The following KCNK18 variants were observed in gnomAD, a reference collection of about 807,000 sequenced individuals.
The protein encoded by KCNK18 is potassium channel subfamily K member 18.
KCNK18 carries 8 observed loss-of-function variants against 11.8 expected under a neutral mutation model. The observed-to-expected ratio is 0.68, with a 90% CI of 0.40 to 1.22. The LOEUF is 1.22. KCNK18 is among the 50% of genes most tolerant of loss of function. The pLI is 0.01. For missense variants in KCNK18, 442 were observed against 465.4 expected (o/e 0.95, Z 0.46); for synonymous variants, 208 against 185.8 (o/e 1.12, Z -0.97).
Position 117,209,793 on chromosome 10 carries a change from T to C in KCNK18, c.649T>C (p.Cys217Arg), listed in dbSNP as rs1855122127. ...GCTTCCAGGCCCCAAACTTGGCACA[T>C]GTCCTTCACGCCCAAGCTGCAGCAT... ...EELPGPKLGT[C>R]PSRPSCSMEL... The change falls in exon 3 of 3, where the codon TGT (cysteine) becomes CGT (arginine). Residue 217 changes from cysteine (C) to arginine (R), a missense_variant. Coordinates refer to ENST00000334549, the MANE Select transcript of KCNK18 (RefSeq NM_181840.1). The C allele has an allele frequency of 3.7e-6, 6 of 1,614,110 alleles. No homozygotes were observed. Among genetic ancestry groups the C allele is most frequent in the African/African-American group, 2.7e-5 (2 of 74,998 alleles).
At chr10:117,199,162 T>C (rs1166707701) in intron 1 of KCNK18, among the ~76,000 whole-genome samples, 1 of 152,046 alleles carries the variant, frequency 6.6e-6, no homozygotes, top group East Asian at 1.9e-4. Context: ...CTATAAAAAA[T>C]TAAAAAATTT....
At position 117,209,747 on chromosome 10, in the gene KCNK18, GATC is replaced by G; in HGVS notation, c.611_613del (p.Ile204del). On this transcript the variant is annotated inframe_deletion, in exon 3 of 3. Transcript: ENST00000334549. ...AGCCCGCAGATGAAGCTGTCCCTCA[GATC>G]ATCATCAGTGCTGAAGAGCTTCCAG... The G allele has an allele frequency of 6.2e-7, 1 of 1,614,114 alleles. No individual in the cohort carries two copies. Among genetic ancestry groups the G allele is most frequent in the Non-Finnish European group, 8.5e-7 (1 of 1,180,036 alleles).
intron 2 of KCNK18, among the ~76,000 whole-genome samples, chr10:117,205,232 C>G (rs939388136): frequency 1.3e-5 from 2 of 152,216 alleles, no homozygotes; most frequent in South Asian, 4.1e-4. Flanking sequence ...TAAGTACTCA[C>G]AGGCCAAGTG....
At chr10:117,197,999 C>A (rs1376461968) in intron 1 of KCNK18, among the ~76,000 whole-genome samples, 1 of 152,150 alleles carries the variant, frequency 6.6e-6, no homozygotes, top group Non-Finnish European at 1.5e-5. Context: ...CAGCACCCAG[C>A]CCCATCCAGA....
At position 117,209,542 on chromosome 10, in the gene KCNK18, G is replaced by T; in HGVS notation, c.398G>T (p.Cys133Phe). 1 of 1,614,120 alleles carries T rather than the reference G, an allele frequency of 6.2e-7. No individual in the cohort carries two copies. The highest frequency in any genetic ancestry group is 8.5e-7 in the Non-Finnish European group (1 of 1,180,010). Residue 133 changes from cysteine (C) to phenylalanine (F), a missense_variant, in exon 3 of 3, where the codon TGC becomes TTC. Transcript: ENST00000334549. ...YPVTRLGKYL[C>F]MLYALFGIPL... ...GTCACCAGGCTTGGCAAGTACTTGT[G>T]CATGCTCTATGCTCTCTTTGGTATC...
chr10:117,200,984 C>CTCCTTATCTCA (rs1855007361), intron 1 of KCNK18, among the ~76,000 whole-genome samples, 175 bp from the exon 2 acceptor site: 2 of 152,088 alleles, frequency 1.3e-5, no homozygotes, highest in African/African-American at 4.8e-5. Context: ...AAGGCAGGAC[C>CTCCTTATCTCA]CAGGCTGCAG....
In KCNK18 at chr10:117,197,586, A is replaced by G; in HGVS notation, c.98A>G (p.Tyr33Cys). Residue 33 changes from tyrosine to cysteine, a missense_variant, in exon 1 of 3, where the codon TAC (tyrosine) becomes TGC (cysteine). By Grantham distance (194) the Tyr-to-Cys change is radical. Transcript: ENST00000334549. ...GLCFLCFLVT[Y>C]ALVGAVVFSA... Reference sequence around the variant, plus strand: ...TGCTTCCTCTGCTTTCTGGTGACCTACGCCCTGGTGGGTGCTGTGGTCTTC... The same window carrying G: ...TGCTTCCTCTGCTTTCTGGTGACCTGCGCCCTGGTGGGTGCTGTGGTCTTC... The G allele has an allele frequency of 6.2e-7, 1 of 1,614,150 alleles. No individual in the cohort carries two copies. Among genetic ancestry groups the G allele is most frequent in the Non-Finnish European group, 8.5e-7 (1 of 1,180,018 alleles).
At chr10:117,202,864 G>T (rs1244501950) in intron 2 of KCNK18, among the ~76,000 whole-genome samples, 2 of 141,710 alleles carry the variant, frequency 1.4e-5, no homozygotes, top group African/African-American at 5.2e-5. Context: ...CCCCCACGTG[G>T]TTTCTCCCAT....
chr10:117,200,185 C>A (rs61332182), intron 1 of KCNK18, among the ~76,000 whole-genome samples: 10,172 of 152,262 alleles, frequency 0.067, 557 homozygotes, highest in Admixed American at 0.16. Flanking sequence ...TCAAGCAATT[C>A]TCCTGCCTCA....
At chr10:117,206,634 C>T (rs1222774290) in intron 2 of KCNK18, among the ~76,000 whole-genome samples, 1 of 152,128 alleles carries the variant, frequency 6.6e-6, no homozygotes, top group Admixed American at 6.5e-5. Context: ...CCCCTTGCTC[C>T]CCTCCCCTAC....
intron 1 of KCNK18, 107 bp from the exon 2 acceptor site, chr10:117,201,052 G>A (rs1855008317): frequency 7.2e-7 from 1 of 1,382,290 alleles, no homozygotes; most frequent in Non-Finnish European, 1.0e-6. Flanking sequence ...TGACCACAAG[G>A]CAAAGGGGCT....
intron 2 of KCNK18, among the ~76,000 whole-genome samples, chr10:117,208,761 ATGGAGTCTCACTCT>A (rs1855106874): frequency 7.0e-6 from 1 of 142,056 alleles, no homozygotes; most frequent in South Asian, 2.3e-4. Flanking sequence ...TTTTTTTGAG[ATGGAGTCTCACTCT>A]TGTCCCCTAG....
chr10:117,204,281 AAAAAAG>A (rs1855050612), intron 2 of KCNK18, among the ~76,000 whole-genome samples: 1 of 151,010 alleles, frequency 6.6e-6, no homozygotes, highest in Non-Finnish European at 1.5e-5. Flanking sequence ...AAAAAAAAAA[AAAAAAG>A]AAAAAAGAAA....
intron 2 of KCNK18, among the ~76,000 whole-genome samples, chr10:117,201,787 A>T (rs1420508862): frequency 6.6e-6 from 1 of 152,072 alleles, no homozygotes; most frequent in Non-Finnish European, 1.5e-5. Context: ...TGATCAGGAG[A>T]GTGGTAGGGG....
intron 2 of KCNK18, among the ~76,000 whole-genome samples, chr10:117,202,885 G>GTTTTTTTTTTTTTTTTTTTTTTTTTTTTT (rs750157980): frequency 1.8e-5 from 2 of 111,294 alleles, no homozygotes. Context: ...TTGCCTGAAT[G>GTTTTTTTTTTTTTTTTTTTTTTTTTTTTT]CTTTTTTTTT....
At chr10:117,200,529 G>A (rs1407749301) in intron 1 of KCNK18, among the ~76,000 whole-genome samples, 4 of 152,114 alleles carry the variant, frequency 2.6e-5, no homozygotes, top group African/African-American at 4.8e-5. Flanking sequence ...TGATAGAGGC[G>A]GGGCGCGGTG....
intron 2 of KCNK18, 46 bp from the exon 3 acceptor site, chr10:117,209,451 A>G: frequency 2.0e-6 from 3 of 1,505,996 alleles, no homozygotes; most frequent in Non-Finnish European, 2.8e-6. Flanking sequence ...GGGGGGAAAA[A>G]GGGAAGGGGC....
Position 117,201,176 on chromosome 10 carries a change from C to A in KCNK18, c.241C>A (p.Gln81Lys). Residue 81 changes from glutamine (Q) to lysine (K), a missense_variant, in exon 2 of 3, where the codon CAG (glutamine) becomes AAG (lysine). Gln to Lys is a moderately conservative substitution (Grantham distance 53). Transcript: ENST00000334549. ...CSETVVEDRK[Q>K]DLQGHLQKVK... ...TTCTCCAGTGGTGGAAGACAGAAAA[C>A]AGGATCTCCAGGGGCATCTGCAGAA... 4 of 1,614,194 alleles carry A rather than the reference C, an allele frequency of 2.5e-6. No individual in the cohort carries two copies. The highest frequency in any genetic ancestry group is 3.4e-6 in the Non-Finnish European group (4 of 1,180,032).
intron 2 of KCNK18, among the ~76,000 whole-genome samples, chr10:117,208,743 C>CTTT (rs3981214): frequency 3.2e-4 from 46 of 143,244 alleles, no homozygotes; most frequent in African/African-American, 7.5e-4. Flanking sequence ...ACAAGGGTAG[C>CTTT]TTTTTTTTTT....
Sources: gnomAD v4.1 joint callset for allele counts (sites outside exome capture counted in the v4.1 genomes callset) on GRCh38, gnomAD v4.1.1 for gene constraint, MANE v1.5 for transcripts, NCBI Gene and HGNC (gene_info 2026-07-23, HGNC 2026-07-21) for gene names.